The following LMF1 variants were observed in gnomAD, a reference collection of about 807,000 sequenced individuals.
LMF1 encodes the protein lipase maturation factor 1.
A neutral mutation model predicts 60.6 loss-of-function variants in LMF1; 68 were observed. That is an observed-to-expected ratio of 1.12 (90% CI 0.92 to 1.37). LMF1 has a LOEUF of 1.37. LMF1 is among the 40% of genes most tolerant of loss of function. The pLI, the probability that LMF1 is intolerant of heterozygous loss-of-function variation, is 0.00. For missense variants in LMF1, 948 were observed against 767.2 expected (o/e 1.24, Z -2.78); for synonymous variants, 418 against 324.7 (o/e 1.29, Z -3.09).
At chr16:860,843 C>T (rs1346500006) in intron 10 of LMF1, among the ~76,000 whole-genome samples, 1 of 152,192 alleles carries the variant, frequency 6.6e-6, no homozygotes, top group East Asian at 1.9e-4. Context: ...GCATGTCTGT[C>T]CCTCTGTCAA....
chr16:916,616 C>A (rs913069187), intron 3 of LMF1, among the ~76,000 whole-genome samples: 2 of 152,160 alleles, frequency 1.3e-5, no homozygotes, highest in African/African-American at 4.8e-5. Flanking sequence ...TGGTAGGCCA[C>A]ACCCACATGG....
At chr16:900,147 T>C (rs1310701703) in intron 4 of LMF1, 1 of 152,250 alleles carries the variant, frequency 6.6e-6, no homozygotes, top group Non-Finnish European at 1.5e-5. Flanking sequence ...GCCTAAGGCT[T>C]CTGTAACATC....
chr16:976,166 C>T (rs56255214), intron 1 of LMF1: 3 of 452,878 alleles, frequency 6.6e-6, no homozygotes, highest in Non-Finnish European at 1.3e-5. Flanking sequence ...TCTCAGAGGA[C>T]CTCAGCCCCC....
intron 3 of LMF1, among the ~76,000 whole-genome samples, chr16:921,821 G>A (rs997441087): frequency 1.3e-5 from 2 of 152,174 alleles, no homozygotes; most frequent in Non-Finnish European, 1.5e-5. Context: ...GGCGGTCCCC[G>A]TGCGGGTTTT....
intron 2 of LMF1, among the ~76,000 whole-genome samples, chr16:949,592 A>G (rs1046394727): frequency 1.5e-5 from 2 of 134,942 alleles, no homozygotes; most frequent in African/African-American, 6.3e-5. Context: ...CGACAGAGTC[A>G]GAGACGACAG....
chr16:900,330 A>T (rs1214373103), intron 4 of LMF1: 7 of 152,172 alleles, frequency 4.6e-5, no homozygotes, highest in African/African-American at 7.2e-5. Context: ...TGTGTTAATG[A>T]GGACCAAGAC....
chr16:875,493 C>CT (rs1307986489), intron 6 of LMF1, among the ~76,000 whole-genome samples: 1 of 152,224 alleles, frequency 6.6e-6, no homozygotes, highest in African/African-American at 2.4e-5. Context: ...GTGACTCCCA[C>CT]TTTCTCCATT....
intron 6 of LMF1, among the ~76,000 whole-genome samples, chr16:879,105 G>A (rs1050642604): frequency 3.3e-5 from 5 of 152,142 alleles, no homozygotes; most frequent in African/African-American, 1.2e-4. Context: ...GGGTTCCGGG[G>A]GCTGGGGGAG....
At chr16:912,963 A>T (rs2071163028) in intron 3 of LMF1, among the ~76,000 whole-genome samples, 1 of 152,208 alleles carries the variant, frequency 6.6e-6, no homozygotes, top group Admixed American at 6.5e-5. Flanking sequence ...TCACCCAGCA[A>T]ACACCAGCGC....
chr16:956,966 C>T (rs1035721010), intron 1 of LMF1, among the ~76,000 whole-genome samples: 1 of 151,822 alleles, frequency 6.6e-6, no homozygotes, highest in African/African-American at 2.4e-5. Flanking sequence ...ACCAGCCTGG[C>T]CAATATGGCA....
chr16:873,750 A>T (rs980707078), intron 6 of LMF1: 1 of 152,330 alleles, frequency 6.6e-6, no homozygotes, highest in Non-Finnish European at 1.5e-5. Context: ...CAGAGAGGAG[A>T]TGAGGGCAGA....
intron 1 of LMF1, among the ~76,000 whole-genome samples, chr16:964,496 G>A (rs916116065): frequency 2.6e-5 from 4 of 152,254 alleles, no homozygotes; most frequent in African/African-American, 7.2e-5. Context: ...GCAGAGCTCC[G>A]AAGTAGGGCA....
Position 939,859 on chromosome 16 carries a change from G to A in LMF1, c.504-5605C>T, listed in dbSNP as rs560929001. ...CCCACCTTTATTAGAGAGAAGCCCT[G>A]GGCAGTGGGCTAAAAGGAGGCCCCC... On this transcript the variant is annotated intron_variant, in intron 2 of 10. Coordinates refer to ENST00000262301, the MANE Select transcript of LMF1 (RefSeq NM_022773.4). Among the ~76,000 whole-genome samples, 3 of 152,282 alleles carry A rather than the reference G, an allele frequency of 2.0e-5. No homozygotes were observed. The South Asian group carries it at 6.2e-4, about 32-fold the overall frequency.
rs1386265872 is a variant in LMF1 at position 854,185 on chromosome 16, G to A, written c.*347C>T. The A allele has an allele frequency of 5.8e-6, 3 of 516,540 alleles. No homozygotes were observed. Among genetic ancestry groups the A allele is most frequent in the South Asian group, 3.1e-5 (2 of 64,996 alleles). 32.0% of individuals were successfully genotyped at this position (516,540 alleles called of 1,614,324 possible). A position where few individuals can be genotyped will look rare whatever the true frequency, so the allele number is the denominator to read the frequency against. On this transcript the variant is annotated 3_prime_UTR_variant, in exon 11 of 11. Coordinates refer to ENST00000262301, the MANE Select transcript of LMF1 (RefSeq NM_022773.4). ...GCTACCTGGCTGGGTCTATGGTCAG[G>A]GCTGTAGTGGAGGAAGGTGTCAGGA...
In LMF1 at chr16:874,110, C is replaced by T. The variant is rs1043345572; in HGVS notation, c.898-2769G>A. ...AAGTTCTGGAACCAGGCGGAGGCGG[C>T]GGTTGCATCACGCTGTGAACGTGCT... On this transcript the variant is annotated intron_variant, in intron 6 of 10. Transcript: ENST00000262301. The surrounding 1 kb of genome is among the most constrained non-coding windows in gnomAD (Gnocchi z 4.1). 2.0e-5 allele frequency among the ~76,000 whole-genome samples: 3 copies of T among 152,158 alleles called. No individual in the cohort carries two copies. The highest frequency in any genetic ancestry group is 2.1e-4 in the South Asian group (1 of 4,826).
Position 934,257 on chromosome 16 carries a change from GAA to G in LMF1, c.504-5_504-4del, listed in dbSNP as rs1228232832. The G allele has an allele frequency of 3.8e-6, 6 of 1,599,222 alleles. No homozygotes were observed. The highest frequency in any genetic ancestry group is 4.5e-5 in the East Asian group (2 of 44,890). ...CATCTCACTTACCGAAAGAGTACCT[GAA>G]AAACAAAAGAAGAAACGAGTATTAA... On this transcript the variant is annotated splice_polypyrimidine_tract_variant and splice_region_variant and intron_variant, in intron 2 of 10. Transcript: ENST00000262301.
intron 3 of LMF1, among the ~76,000 whole-genome samples, chr16:931,353 T>C (rs1294908287): frequency 2.6e-5 from 4 of 152,250 alleles, no homozygotes; most frequent in Non-Finnish European, 5.9e-5. Context: ...CTGAGGATGC[T>C]GCTTTGCGGG....
At chr16:879,759 T>C in intron 5 of LMF1, 22 bp from the exon 6 acceptor site, 1 of 1,545,882 alleles carries the variant, frequency 6.5e-7, no homozygotes, top group Non-Finnish European at 8.7e-7. Context: ...GGAGGGGCCG[T>C]GAGGTGCCTG....
At chr16:927,248 C>T (rs2071636860) in intron 3 of LMF1, among the ~76,000 whole-genome samples, 1 of 152,246 alleles carries the variant, frequency 6.6e-6, no homozygotes, top group Admixed American at 6.5e-5. Flanking sequence ...AAAAGTCACC[C>T]AAGTGGGCTT....
Sources: gnomAD v4.1 joint callset for allele counts (sites outside exome capture counted in the v4.1 genomes callset) on GRCh38, gnomAD v4.1.1 for gene constraint, Gnocchi (gnomAD v3.1) non-coding constraint, MANE v1.5 for transcripts, NCBI Gene and HGNC (gene_info 2026-07-23, HGNC 2026-07-21) for gene names.